Variants in THADA observed in about 807,000 individuals in gnomAD.
The protein encoded by THADA is tRNA (32-2'-O)-methyltransferase regulator THADA.
A neutral mutation model predicts 219.8 loss-of-function variants in THADA; 213 were observed. That is an observed-to-expected ratio of 0.97 (90% CI 0.87 to 1.09). The LOEUF (loss-of-function observed/expected upper bound fraction) is 1.09. Ranked by LOEUF, THADA falls within the 50% of genes least tolerant of loss-of-function variation. The pLI is 0.00. For synonymous variants in THADA, 1,018 were observed against 828.9 expected (o/e 1.23, Z -3.92); for missense variants, 2,956 against 2,311.3 (o/e 1.28, Z -5.72).
chr2:43,548,651 T>A (rs1188166673), intron 20 of THADA, among the ~76,000 whole-genome samples: 1 of 152,224 alleles, frequency 6.6e-6, no homozygotes, highest in African/African-American at 2.4e-5. Context: ...CGAGACTCCG[T>A]GGGCGTAGGA....
At chr2:43,546,909 T>G in intron 20 of THADA, among the ~76,000 whole-genome samples, 1 of 152,188 alleles carries the variant, frequency 6.6e-6, no homozygotes, top group Non-Finnish European at 1.5e-5. Context: ...TTTGATCCTG[T>G]CATTATGATG....
chr2:43,498,145 T>C (rs1311581514), intron 25 of THADA, among the ~76,000 whole-genome samples: 1 of 151,944 alleles, frequency 6.6e-6, no homozygotes, highest in Non-Finnish European at 1.5e-5. Flanking sequence ...GGACAAATAT[T>C]GTACGATTCC....
At chr2:43,398,649 G>T (rs1674398325) in intron 28 of THADA, among the ~76,000 whole-genome samples, 1 of 152,204 alleles carries the variant, frequency 6.6e-6, no homozygotes, top group African/African-American at 2.4e-5. Context: ...ACTCAGGAAA[G>T]CAAGCATGAT....
chr2:43,455,602 C>T lies in THADA; in HGVS notation c.3837-25300G>A, dbSNP rs144363852. On this transcript the variant is annotated intron_variant, in intron 26 of 37. Coordinates refer to ENST00000405975, the MANE Select transcript of THADA (RefSeq NM_022065.5). Reference sequence around the variant, plus strand: ...GTTAAAAACAGGAGCATATTAAATGCTATAATGTGTAAAACAAGGGTTAGA... The same window carrying T: ...GTTAAAAACAGGAGCATATTAAATGTTATAATGTGTAAAACAAGGGTTAGA... 5.9e-3 allele frequency among the ~76,000 whole-genome samples: 896 copies of T among 151,870 alleles called. 7 individuals carry two copies. Among genetic ancestry groups the T allele is most frequent in the South Asian group, 0.023 (110 of 4,804 alleles).
chr2:43,463,843 G>A (rs1683922132), intron 26 of THADA, among the ~76,000 whole-genome samples: 1 of 152,282 alleles, frequency 6.6e-6, no homozygotes, highest in East Asian at 1.9e-4. Context: ...GAAAGAGCAG[G>A]ATGGTTTCCT....
chr2:43,561,022 A>C (rs1381699594), intron 15 of THADA, among the ~76,000 whole-genome samples: 2 of 67,152 alleles, frequency 3.0e-5, no homozygotes, highest in African/African-American at 7.6e-5. Flanking sequence ...GTCTCAAAAA[A>C]AAAAAAAAAA....
intron 29 of THADA, chr2:43,371,891 A>G (rs1431537355): frequency 2.0e-5 from 3 of 152,272 alleles, no homozygotes; most frequent in African/African-American, 7.2e-5. Context: ...TTATGTGCTA[A>G]CTTTCCCCAC....
intron 26 of THADA, among the ~76,000 whole-genome samples, chr2:43,444,788 G>A (rs527341268): frequency 3.3e-5 from 5 of 152,140 alleles, no homozygotes; most frequent in South Asian, 2.1e-4. Flanking sequence ...TATCATTCTC[G>A]ATCATCTCAG....
At chr2:43,234,609 C>A (rs1667812248) in intron 36 of THADA, among the ~76,000 whole-genome samples, 1 of 152,186 alleles carries the variant, frequency 6.6e-6, no homozygotes, top group South Asian at 2.1e-4. Flanking sequence ...GGCTGAGAAT[C>A]TGTATAGAGA....
intron 29 of THADA, among the ~76,000 whole-genome samples, chr2:43,350,251 A>C (rs1312407981): frequency 6.6e-6 from 1 of 152,212 alleles, no homozygotes; most frequent in Non-Finnish European, 1.5e-5. Flanking sequence ...AGGGGGTAAA[A>C]GGGTAAAAGG....
At chr2:43,554,233 A>G (rs1697087693) in intron 17 of THADA, among the ~76,000 whole-genome samples, 1 of 152,180 alleles carries the variant, frequency 6.6e-6, no homozygotes, top group Non-Finnish European at 1.5e-5. Context: ...AGAATTTTAT[A>G]GTTTTAGCTC....
intron 9 of THADA, among the ~76,000 whole-genome samples, chr2:43,578,306 C>A (rs1229128172): frequency 2.7e-5 from 4 of 148,378 alleles, no homozygotes; most frequent in Non-Finnish European, 5.9e-5. Context: ...CCATACCCAG[C>A]AAATTTTCTT....
chr2:43,268,553 C>T (rs948985522), intron 36 of THADA, among the ~76,000 whole-genome samples: 1 of 152,188 alleles, frequency 6.6e-6, no homozygotes, highest in Admixed American at 6.5e-5. Context: ...TCACAATCCA[C>T]CAAGCATCTT....
chr2:43,362,489 GT>G, intron 29 of THADA, among the ~76,000 whole-genome samples: 1 of 152,238 alleles, frequency 6.6e-6, no homozygotes, highest in Middle Eastern at 3.4e-3. Context: ...AAAAGGTATG[GT>G]AAAAATATGC....
rs1445874827 is a variant in THADA at position 43,574,379 on chromosome 2, C to T, written c.1686G>A (p.Gln562=). The part of the protein sequence containing the change: ...KLLSYSPESL[Q]YMVKILQTSI... The stretch of plus-strand genomic sequence containing the variant: ...AAGTCTGAAGAATCTTTACCATGTA[C>T]TGTAAGCTTTCAGGGCTGTAACTTA... The change falls in exon 11 of 38, where the codon CAG becomes CAA. Residue 562 remains glutamine (Q), a synonymous_variant. Transcript: ENST00000405975. 6.2e-7 allele frequency: 1 copy of T among 1,606,204 alleles called. No individual in the cohort carries two copies. Among genetic ancestry groups the T allele is most frequent in the Admixed American group, 1.7e-5 (1 of 58,312 alleles).
At position 43,527,943 on chromosome 2, in the gene THADA, T is replaced by C. The variant is rs760370114; in HGVS notation, c.3310A>G (p.Arg1104Gly). ...DYFKQHLLQS[R>G]HRGAFELAYT... ...GCCAATTCAAATGCTCCTCTGTGCC[T>C]GGACTGCAAAAGGTGTTGTTTAAAG... is the stretch of plus-strand genomic sequence containing the variant. The change falls in exon 22 of 38, where the codon AGG becomes GGG. Residue 1104 changes from arginine (R) to glycine (G), a missense_variant. Arg to Gly is a moderately radical substitution (Grantham distance 125, BLOSUM62 -2). Transcript: ENST00000405975. The C allele has an allele frequency of 3.7e-6, 6 of 1,613,662 alleles. No homozygotes were observed. In the Admixed American group the frequency reaches 8.3e-5, roughly 22 times the overall value.
intron 26 of THADA, among the ~76,000 whole-genome samples, chr2:43,480,550 G>T (rs556727753): frequency 2.6e-5 from 4 of 152,176 alleles, no homozygotes; most frequent in African/African-American, 9.6e-5. Context: ...GGCCGCTCAC[G>T]CCTATAATCC....
At chr2:43,327,931 T>C (rs1679524730) in intron 30 of THADA, among the ~76,000 whole-genome samples, 1 of 152,254 alleles carries the variant, frequency 6.6e-6, no homozygotes, top group South Asian at 2.1e-4. Context: ...CTTTGTAGTC[T>C]TGAGCACTTC....
intron 22 of THADA, among the ~76,000 whole-genome samples, chr2:43,527,245 AGAACACTTGCCAT>A (rs1416343594): frequency 6.6e-6 from 1 of 152,214 alleles, no homozygotes; most frequent in Non-Finnish European, 1.5e-5. Context: ...TTTTATTTAG[AGAACACTTGCCAT>A]GAACACTTAG....
Sources: allele counts gnomAD v4.1 joint callset (sites outside exome capture counted in the v4.1 genomes callset), GRCh38; gene constraint gnomAD v4.1.1; transcripts MANE v1.5; gene names NCBI Gene and HGNC (gene_info 2026-07-23, HGNC 2026-07-21).